Variants in IL16 observed in about 807,000 individuals in gnomAD.
IL16 encodes interleukin 16, also known as pro-interleukin-16.
IL16 carries 67 observed loss-of-function variants against 110.1 expected under a neutral mutation model. The ratio of observed to expected loss-of-function variants is 0.61; its 90% confidence interval spans 0.50 to 0.75. IL16 has a LOEUF of 0.75. IL16 is among the 30% of genes least tolerant of loss of function. IL16 has a pLI of 0.00. For missense variants in IL16, 1,545 were observed against 1,655.0 expected (o/e 0.93, Z 1.15); for synonymous variants, 689 against 662.9 (o/e 1.04, Z -0.61).
In IL16 at chr15:81,268,272, T is replaced by A. The variant is rs574661812; in HGVS notation, c.565-1266T>A. Among the ~76,000 whole-genome samples, 397 of 152,314 alleles carry A rather than the reference T, an allele frequency of 2.6e-3. 2 individuals are homozygous for A. The highest frequency in any genetic ancestry group is 9.2e-3 in the African/African-American group (383 of 41,572). On this transcript the variant is annotated intron_variant, in intron 4 of 18. Coordinates refer to ENST00000683961, the MANE Select transcript of IL16 (RefSeq NM_172217.5). ...CAGCTCGTTATCCAGGGAATGCTAG[T>A]AATAAAGAAAACATGCATTCCATGT...
chr15:81,301,344 C>A lies in IL16; in HGVS notation c.3150C>A (p.Asn1050Lys). 6.3e-7 allele frequency: 1 copy of A among 1,594,286 alleles called. No individual in the cohort carries two copies. The highest frequency in any genetic ancestry group is 1.1e-5 in the South Asian group (1 of 87,428). Residue 1050 changes from asparagine to lysine, a missense_variant and splice_region_variant, in exon 15 of 19, where the codon AAC becomes AAA. Physicochemically the swap from Asn to Lys is moderately conservative, Grantham distance 94. Around this residue, in one of 3 missense-constraint regions of IL16, gnomAD observed 356 missense variants for 399.3 expected, o/e 0.89. Transcript: ENST00000683961. The part of the protein sequence containing the change: ...TSALDTGFSL[N>K]LSELREYTEG... ...TGTGTGTTGTTTCTCCTTATGAAAGCCTTTCAGAGCTGAGAGAATATACAG... is the reference window on the plus strand; with the variant it reads ...TGTGTGTTGTTTCTCCTTATGAAAGACTTTCAGAGCTGAGAGAATATACAG...
chr15:81,296,865 C>T, intron 12 of IL16, 63 bp from the exon 13 acceptor site: 1 of 1,457,570 alleles, frequency 6.9e-7, no homozygotes, highest in Non-Finnish European at 9.3e-7. Context: ...CAAAGCGTGT[C>T]TCGCCTTCTC....
intron 10 of IL16, 106 bp downstream of exon 10, chr15:81,285,936 C>A: frequency 8.1e-7 from 1 of 1,235,524 alleles, no homozygotes; most frequent in Non-Finnish European, 1.2e-6. Flanking sequence ...GGGTTTGTAC[C>A]TGAATTCCCA....
At chr15:81,258,756 G>GCT (rs373777676) in intron 2 of IL16, among the ~76,000 whole-genome samples, 1,811 of 147,284 alleles carry the variant, frequency 0.012, 32 homozygotes, top group African/African-American at 0.04. Flanking sequence ...TCTGTCACTC[G>GCT]CTCTCTCTCT....
intron 6 of IL16, among the ~76,000 whole-genome samples, chr15:81,274,048 G>C (rs1357332537): frequency 6.6e-6 from 1 of 152,106 alleles, no homozygotes; most frequent in African/African-American, 2.4e-5. Flanking sequence ...AGGGCAGAGA[G>C]TACCCACTGC....
chr15:81,229,213 TGA>T (rs1340412367), intron 2 of IL16, among the ~76,000 whole-genome samples: 2 of 152,126 alleles, frequency 1.3e-5, no homozygotes, highest in Non-Finnish European at 2.9e-5. Context: ...TTCTTATTTC[TGA>T]TGTGGCCAAA....
chr15:81,292,812 C>T lies in IL16; in HGVS notation c.1677C>T (p.Ser559=). The T allele has an allele frequency of 6.2e-7, 1 of 1,614,122 alleles. No individual in the cohort carries two copies. The highest frequency in any genetic ancestry group is 8.5e-7 in the Non-Finnish European group (1 of 1,180,018). The change falls in exon 12 of 19, where the codon TCC becomes TCT. Residue 559 remains serine, a synonymous_variant. Coordinates refer to ENST00000683961, the MANE Select transcript of IL16 (RefSeq NM_172217.5). ...AGCCAGTGGTGCTTTCTATAGCATC[C>T]TCCAGGCTGCCCCAGGAGAGCCCAC... The part of the protein sequence containing the change: ...AREPVVLSIA[S]SRLPQESPPL...
At chr15:81,236,678 G>A (rs1337091878) in intron 2 of IL16, among the ~76,000 whole-genome samples, 1 of 152,160 alleles carries the variant, frequency 6.6e-6, no homozygotes, top group Admixed American at 6.5e-5. Context: ...GAATAAGGCC[G>A]GGCGCGGTGG....
At chr15:81,216,603 G>A (rs114432214) in intron 1 of IL16, among the ~76,000 whole-genome samples, 100 of 152,184 alleles carry the variant, frequency 6.6e-4, no homozygotes, top group African/African-American at 2.3e-3. Flanking sequence ...CTGTCTTTGA[G>A]GAATGCTCAG....
chr15:81,219,884 C>T (rs1435255505), intron 1 of IL16, among the ~76,000 whole-genome samples: 1 of 152,146 alleles, frequency 6.6e-6, no homozygotes, highest in East Asian at 1.9e-4. Flanking sequence ...ATGCAAATGC[C>T]CCTTCTTTGT....
At chr15:81,259,079 C>T (rs1032983971) in intron 2 of IL16, among the ~76,000 whole-genome samples, 6 of 152,108 alleles carry the variant, frequency 3.9e-5, no homozygotes, top group Non-Finnish European at 8.8e-5. Context: ...ATAAGAGAAC[C>T]ATAAGCAAGT....
At chr15:81,214,394 G>A (rs1305254323) in intron 1 of IL16, among the ~76,000 whole-genome samples, 2 of 152,134 alleles carry the variant, frequency 1.3e-5, no homozygotes, top group Non-Finnish European at 2.9e-5. Flanking sequence ...TAGTTTGGCA[G>A]GATATGAAAT....
intron 15 of IL16, among the ~76,000 whole-genome samples, chr15:81,301,927 T>C (rs1335054961): frequency 1.3e-5 from 2 of 152,206 alleles, no homozygotes; most frequent in African/African-American, 4.8e-5. Context: ...GGAGCTTTCA[T>C]TATTTCCACT....
intron 1 of IL16, among the ~76,000 whole-genome samples, chr15:81,208,786 G>A (rs1310405872): frequency 6.6e-6 from 1 of 152,216 alleles, no homozygotes; most frequent in Non-Finnish European, 1.5e-5. Flanking sequence ...ATATGGCACA[G>A]GGGTTAGGTG....
intron 1 of IL16, among the ~76,000 whole-genome samples, chr15:81,214,377 T>C (rs974885570): frequency 3.9e-5 from 6 of 152,216 alleles, no homozygotes; most frequent in African/African-American, 1.4e-4. Flanking sequence ...CCTTCACTTA[T>C]GAAGTTTAGT....
intron 5 of IL16, 62 bp from the exon 6 acceptor site, chr15:81,273,028 A>G (rs1270975595): frequency 3.7e-6 from 5 of 1,339,790 alleles, no homozygotes; most frequent in Non-Finnish European, 5.3e-6. Flanking sequence ...CTCAGAAGGC[A>G]TCAGGCCAAT....
intron 2 of IL16, among the ~76,000 whole-genome samples, chr15:81,246,598 A>T (rs778972995): frequency 2.6e-5 from 4 of 152,038 alleles, no homozygotes; most frequent in Non-Finnish European, 5.9e-5. Context: ...TTTCTCCTGT[A>T]CTGGTTCCAA....
intron 1 of IL16, among the ~76,000 whole-genome samples, chr15:81,223,050 G>A (rs1253978524): frequency 3.9e-5 from 6 of 152,146 alleles, no homozygotes; most frequent in Non-Finnish European, 8.8e-5. Flanking sequence ...TAAAACGTAT[G>A]TATTCTTCTG....
chr15:81,306,669 CA>C, intron 18 of IL16, 124 bp downstream of exon 18: 1 of 1,189,772 alleles, frequency 8.4e-7, no homozygotes, highest in Non-Finnish European at 1.2e-6. Context: ...TCTTCATAGG[CA>C]TGCTGGTCCT....
Sources: allele counts gnomAD v4.1 joint callset (sites outside exome capture counted in the v4.1 genomes callset), GRCh38; gene constraint gnomAD v4.1.1; regional missense constraint gnomAD v4.1.1; transcripts MANE v1.5; gene names NCBI Gene and HGNC (gene_info 2026-07-23, HGNC 2026-07-21).